The following WDFY1 variants were observed in gnomAD, a reference collection of about 807,000 sequenced individuals.
WDFY1 encodes WD repeat and FYVE domain-containing protein 1.
A neutral mutation model predicts 56.4 loss-of-function variants in WDFY1; 32 were observed. The observed-to-expected ratio is 0.57, with a 90% confidence interval of 0.43 to 0.76. The LOEUF is 0.76. Ranked by LOEUF, WDFY1 falls within the 30% of genes least tolerant of loss-of-function variation. WDFY1 has a pLI of 0.00. For missense variants in WDFY1, 480 were observed against 545.7 expected (o/e 0.88, Z 1.20); for synonymous variants, 192 against 197.3 (o/e 0.97, Z 0.23).
intron 1 of WDFY1, among the ~76,000 whole-genome samples, chr2:223,918,733 G>A (rs961257957): frequency 6.9e-6 from 1 of 145,360 alleles, no homozygotes; most frequent in African/African-American, 2.9e-5. Flanking sequence ...TGTGCACTTG[G>A]TGGTTGACCG....
In WDFY1 at chr2:223,879,426, T is replaced by C. The variant is rs1423681065; in HGVS notation, c.1174-696A>G. Among the ~76,000 whole-genome samples the C allele has an allele frequency of 3.3e-5, 5 of 151,816 alleles. No homozygotes were observed. In the East Asian group the frequency reaches 9.7e-4, roughly 30 times the overall value. ...ATCCCAGTACTTTGGGAGCCTGAGATGGGAGGATCGCTTGAGCCGAGGAGT... is the reference window on the plus strand; with the variant it reads ...ATCCCAGTACTTTGGGAGCCTGAGACGGGAGGATCGCTTGAGCCGAGGAGT... On this transcript the variant is annotated intron_variant, in intron 11 of 11. Transcript: ENST00000233055.
chr2:223,941,153 C>T (rs2106106566), intron 1 of WDFY1, among the ~76,000 whole-genome samples: 1 of 152,244 alleles, frequency 6.6e-6, no homozygotes, highest in South Asian at 2.1e-4. Flanking sequence ...GATGGGGTTT[C>T]ACCATGTTGG....
intron 8 of WDFY1, among the ~76,000 whole-genome samples, chr2:223,885,339 T>C (rs1693155164): frequency 6.6e-6 from 1 of 151,852 alleles, no homozygotes; most frequent in African/African-American, 2.4e-5. Context: ...CACAGGTGAG[T>C]GTCACCATGC....
intron 8 of WDFY1, among the ~76,000 whole-genome samples, chr2:223,889,601 C>T (rs1332914646): frequency 1.3e-5 from 2 of 152,182 alleles, no homozygotes; most frequent in East Asian, 3.9e-4. Context: ...GACTTTGCTC[C>T]TCCTTCACCT....
At chr2:223,941,237 G>A (rs535532283) in intron 1 of WDFY1, among the ~76,000 whole-genome samples, 9 of 151,946 alleles carry the variant, frequency 5.9e-5, no homozygotes, top group South Asian at 4.2e-4. Flanking sequence ...GATTACAGTC[G>A]TGAGCCACCG....
chr2:223,912,969 GGTTT>G (rs1281484352), intron 2 of WDFY1, among the ~76,000 whole-genome samples: 8 of 152,104 alleles, frequency 5.3e-5, no homozygotes, highest in Non-Finnish European at 1.0e-4. Flanking sequence ...AAAAAATGTG[GGTTT>G]GTTTCAGCCT....
In WDFY1 at chr2:223,894,330, C is replaced by T; in HGVS notation, c.735G>A (p.Val245=). Reference sequence around the variant, plus strand: ...TGAGCTGAAGGTAGCACAGCGACTGCACCTTGTCACTGCAAACAGCACACA... The same window carrying T: ...TGAGCTGAAGGTAGCACAGCGACTGTACCTTGTCACTGCAAACAGCACACA... ...TLLLQGHHDK[V]QSLCYLQLTR... Residue 245 remains valine (V), a synonymous_variant, in exon 8 of 12, where the codon GTG becomes GTA. Transcript: ENST00000233055. The T allele has an allele frequency of 5.6e-6, 9 of 1,614,164 alleles. No homozygotes were observed. Among genetic ancestry groups the T allele is most frequent in the African/African-American group, 5.3e-5 (4 of 75,062 alleles).
intron 8 of WDFY1, among the ~76,000 whole-genome samples, chr2:223,886,848 C>T (rs638829): frequency 0.93 from 141,346 of 151,938 alleles, 65,811 homozygotes; most frequent in South Asian, 0.96. Context: ...GTGGTTTGAA[C>T]GATGGGTGCC....
chr2:223,905,359 G>A (rs899957581), intron 4 of WDFY1, among the ~76,000 whole-genome samples: 14 of 152,174 alleles, frequency 9.2e-5, no homozygotes, highest in Middle Eastern at 3.4e-3. Context: ...TTAAATAATC[G>A]GAATTATAGA....
intron 1 of WDFY1, among the ~76,000 whole-genome samples, chr2:223,936,072 T>C (rs1694163995): frequency 2.0e-5 from 1 of 50,290 alleles, no homozygotes; most frequent in Non-Finnish European, 6.4e-5. Context: ...TTTTTTTTTT[T>C]TTTTTTGGGG....
intron 1 of WDFY1, among the ~76,000 whole-genome samples, chr2:223,919,035 T>C (rs1296944752): frequency 2.0e-5 from 3 of 151,912 alleles, no homozygotes; most frequent in Non-Finnish European, 2.9e-5. Context: ...ACAATGGGAG[T>C]CCTGCAGTTC....
At chr2:223,893,938 T>C (rs997955123) in intron 8 of WDFY1, among the ~76,000 whole-genome samples, 4 of 152,234 alleles carry the variant, frequency 2.6e-5, no homozygotes, top group African/African-American at 9.6e-5. Context: ...TCCAAATCAC[T>C]GGATATGCCA....
At chr2:223,944,495 C>T (rs1041417755) in intron 1 of WDFY1, among the ~76,000 whole-genome samples, 4 of 150,810 alleles carry the variant, frequency 2.7e-5, no homozygotes, top group Admixed American at 2.6e-4. Flanking sequence ...TTGAGCAGCG[C>T]GGTGAGACAG....
chr2:223,932,345 A>G (rs1386071754), intron 1 of WDFY1, among the ~76,000 whole-genome samples: 2 of 149,392 alleles, frequency 1.3e-5, no homozygotes, highest in Non-Finnish European at 3.0e-5. Flanking sequence ...GATGGTCTCG[A>G]TCTCCTGACA....
At chr2:223,882,737 T>C (rs939560123) in intron 9 of WDFY1, among the ~76,000 whole-genome samples, 224 of 152,322 alleles carry the variant, frequency 1.5e-3, no homozygotes, top group Non-Finnish European at 2.0e-3. Flanking sequence ...TTATTTTTTT[T>C]TTCAGAGACA....
At chr2:223,927,864 G>A (rs1162456258) in intron 1 of WDFY1, among the ~76,000 whole-genome samples, 1 of 152,130 alleles carries the variant, frequency 6.6e-6, no homozygotes, top group Middle Eastern at 3.2e-3. Flanking sequence ...CTATTGTAGG[G>A]TTATTCACTG....
chr2:223,897,683 A>G (rs1009281830), intron 6 of WDFY1, among the ~76,000 whole-genome samples: 4 of 152,036 alleles, frequency 2.6e-5, no homozygotes, highest in Admixed American at 6.6e-5. Context: ...CCCAGCCTCT[A>G]AATTTCATGT....
At chr2:223,902,162 C>G (rs1329543867) in intron 4 of WDFY1, among the ~76,000 whole-genome samples, 1 of 152,152 alleles carries the variant, frequency 6.6e-6, no homozygotes, top group Non-Finnish European at 1.5e-5. Context: ...GGACTCTCCC[C>G]AAAAGTCTAC....
In WDFY1 at chr2:223,875,775, TA is replaced by T. The variant is rs1692959179; in HGVS notation, c.*2895del. 6.6e-6 allele frequency: 1 copy of T among 152,170 alleles called. No homozygotes were observed. The highest frequency in any genetic ancestry group is 2.4e-5 in the African/African-American group (1 of 41,468). The allele number at this position is 152,170 out of a possible 1,614,324, so 9.4% of individuals were successfully genotyped here. ...GAGCAGATGGTTTATCACTATATAG[TA>T]ACAGATTTTTTTTACACTTTAGGAG... On this transcript the variant is annotated 3_prime_UTR_variant, in exon 12 of 12. Coordinates refer to ENST00000233055, the MANE Select transcript of WDFY1 (RefSeq NM_020830.5).
Sources: gnomAD v4.1 joint callset for allele counts (sites outside exome capture counted in the v4.1 genomes callset) on GRCh38, gnomAD v4.1.1 for gene constraint, MANE v1.5 for transcripts, NCBI Gene and HGNC (gene_info 2026-07-23, HGNC 2026-07-21) for gene names.